MBD5: variants seen among roughly 807,000 people sequenced by gnomAD.
MBD5 encodes methyl-CpG-binding domain protein 5.
Under a neutral mutation model 117.3 loss-of-function variants are expected in MBD5, and 13 were observed. The ratio of observed to expected loss-of-function variants is 0.11; its 90% CI spans 0.07 to 0.18. MBD5 has a LOEUF of 0.18. Ranked by LOEUF, MBD5 falls within the 10% of genes least tolerant of loss-of-function variation. The pLI is 1.00. For synonymous variants in MBD5, 727 were observed against 766.4 expected (o/e 0.95, Z 0.85); for missense variants, 1,879 against 2,093.8 (o/e 0.90, Z 2.00).
chr2:148,278,507 G>A (rs35008796), intron 3 of MBD5, among the ~76,000 whole-genome samples: 1,768 of 152,016 alleles, frequency 0.012, 18 homozygotes, highest in Admixed American at 0.025. Context: ...CCATTTCTTT[G>A]GGTAATTTGT....
Position 148,492,719 on chromosome 2 carries a change from G to A in MBD5, c.4962+2125G>A, listed in dbSNP as rs1346024025. Reference sequence around the variant, plus strand: ...AATACCTTATTTAGTGATGCTCCGTGAGTCAAAGTTCTCATTTTACAACAC... The same window carrying A: ...AATACCTTATTTAGTGATGCTCCGTAAGTCAAAGTTCTCATTTTACAACAC... On this transcript the variant is annotated intron_variant, in intron 11 of 13. Transcript: ENST00000642680. 2.6e-5 allele frequency among the ~76,000 whole-genome samples: 4 copies of A among 151,968 alleles called. 1 individual carries two copies. The highest frequency in any genetic ancestry group is 9.7e-5 in the African/African-American group (4 of 41,308).
intron 3 of MBD5, among the ~76,000 whole-genome samples, chr2:148,279,182 C>A (rs906816911): frequency 6.6e-6 from 1 of 152,134 alleles, no homozygotes; most frequent in African/African-American, 2.4e-5. Context: ...CCTGTAATCC[C>A]AACACTGGGA....
At chr2:148,098,175 C>A (rs1696115827) in intron 1 of MBD5, among the ~76,000 whole-genome samples, 1 of 152,074 alleles carries the variant, frequency 6.6e-6, no homozygotes, top group Admixed American at 6.5e-5. Context: ...GGTGGGAGAC[C>A]AGTTTAGAAG....
chr2:148,455,239 G>A (rs1706847759), intron 4 of MBD5, among the ~76,000 whole-genome samples: 1 of 152,062 alleles, frequency 6.6e-6, no homozygotes, highest in Non-Finnish European at 1.5e-5. Flanking sequence ...CAATTGTGCT[G>A]CCTCTGGAAG....
chr2:148,388,046 T>C (rs768267836), intron 4 of MBD5, among the ~76,000 whole-genome samples: 17 of 152,146 alleles, frequency 1.1e-4, no homozygotes, highest in Non-Finnish European at 1.8e-4. Context: ...TAAGATGGAA[T>C]TGGCTCTGTC....
At chr2:148,263,075 T>C (rs925298082) in intron 3 of MBD5, among the ~76,000 whole-genome samples, 5 of 152,190 alleles carry the variant, frequency 3.3e-5, no homozygotes, top group African/African-American at 1.2e-4. Flanking sequence ...GATATTTGGA[T>C]GGAGAATACA....
chr2:148,246,600 G>A (rs1052075689), intron 3 of MBD5, among the ~76,000 whole-genome samples: 8 of 151,290 alleles, frequency 5.3e-5, no homozygotes, highest in East Asian at 2.0e-4. Flanking sequence ...GAAACCCCAC[G>A]TCTACTAAAA....
intron 1 of MBD5, among the ~76,000 whole-genome samples, chr2:148,040,420 T>G (rs1302160679): frequency 1.3e-5 from 2 of 152,142 alleles, no homozygotes; most frequent in Non-Finnish European, 2.9e-5. Context: ...TAAATCTGAG[T>G]GTGTATACTA....
chr2:148,161,119 CT>C (rs1267588851), intron 1 of MBD5, among the ~76,000 whole-genome samples: 1 of 152,116 alleles, frequency 6.6e-6, no homozygotes, highest in Non-Finnish European at 1.5e-5. Context: ...ATACACTTAA[CT>C]TTTTCACTGA....
At chr2:148,421,530 G>GT (rs113269765) in intron 4 of MBD5, among the ~76,000 whole-genome samples, 10,064 of 147,106 alleles carry the variant, frequency 0.068, 389 homozygotes, top group African/African-American at 0.11. Context: ...AGCTGCAGAA[G>GT]TTTTTTTTTT....
At chr2:148,257,850 T>A in intron 3 of MBD5, among the ~76,000 whole-genome samples, 1 of 152,218 alleles carries the variant, frequency 6.6e-6, no homozygotes, top group East Asian at 1.9e-4. Flanking sequence ...CTAAGTCCAC[T>A]ACGTAGTGGT....
chr2:148,336,059 G>A lies in MBD5; in HGVS notation c.-679-6155G>A, dbSNP rs80104141. Among the ~76,000 whole-genome samples the A allele has an allele frequency of 4.9e-3, 742 of 152,246 alleles. 8 individuals carry two copies. The highest frequency in any genetic ancestry group is 0.017 in the African/African-American group (693 of 41,550). On this transcript the variant is annotated intron_variant, in intron 3 of 13. Coordinates refer to ENST00000642680, the MANE Select transcript of MBD5 (RefSeq NM_001378120.1). ...ACTGCAATAAAGGTCCCAAAACTTGGAGAAAAGTCAAAGAAAGGTCACTAT... is the reference window on the plus strand; with the variant it reads ...ACTGCAATAAAGGTCCCAAAACTTGAAGAAAAGTCAAAGAAAGGTCACTAT...
intron 3 of MBD5, among the ~76,000 whole-genome samples, chr2:148,340,235 C>T (rs181893334): frequency 2.9e-4 from 44 of 152,240 alleles, no homozygotes; most frequent in African/African-American, 1.1e-3. Flanking sequence ...CTTGTCTATT[C>T]CCATCAAATT....
intron 4 of MBD5, among the ~76,000 whole-genome samples, chr2:148,427,335 A>G (rs912905344): frequency 1.3e-5 from 2 of 152,218 alleles, no homozygotes; most frequent in South Asian, 2.1e-4. Context: ...TCAAGCTGCT[A>G]TAAAGACACA....
At chr2:148,318,985 G>C (rs1291631771) in intron 3 of MBD5, among the ~76,000 whole-genome samples, 1 of 152,084 alleles carries the variant, frequency 6.6e-6, no homozygotes, top group Non-Finnish European at 1.5e-5. Flanking sequence ...CAAAGTGCTG[G>C]GATTACAGGC....
intron 2 of MBD5, among the ~76,000 whole-genome samples, chr2:148,207,093 TA>T (rs1179020809): frequency 6.6e-6 from 1 of 152,164 alleles, no homozygotes; most frequent in East Asian, 1.9e-4. Flanking sequence ...TACAACAAGT[TA>T]AAAGTGAAAT....
chr2:148,357,792 G>C (rs1703423845), intron 4 of MBD5, among the ~76,000 whole-genome samples: 1 of 151,888 alleles, frequency 6.6e-6, no homozygotes, highest in African/African-American at 2.4e-5. Flanking sequence ...TGGGAGGGTT[G>C]AAATATAAAA....
intron 1 of MBD5, among the ~76,000 whole-genome samples, chr2:148,135,381 T>C (rs1697147270): frequency 6.6e-6 from 1 of 152,202 alleles, no homozygotes. Context: ...TTTTCAGCTG[T>C]TTCTTCAATT....
chr2:148,227,423 T>C (rs943953944), intron 2 of MBD5, among the ~76,000 whole-genome samples: 1 of 152,220 alleles, frequency 6.6e-6, no homozygotes, highest in African/African-American at 2.4e-5. Context: ...CAGGTAGTTG[T>C]AGATACGCGG....
Sources: gnomAD v4.1 joint callset for allele counts (sites outside exome capture counted in the v4.1 genomes callset) on GRCh38, gnomAD v4.1.1 for gene constraint, MANE v1.5 for transcripts, NCBI Gene and HGNC (gene_info 2026-07-23, HGNC 2026-07-21) for gene names.